SLC24A2: variants seen among roughly 807,000 people sequenced by gnomAD.
SLC24A2 encodes solute carrier family 24 member 2.
In SLC24A2, 36 loss-of-function variants were observed where a neutral mutation model predicts 62.0. The observed-to-expected ratio is 0.58, with a 90% CI of 0.44 to 0.77. SLC24A2 has a LOEUF of 0.77. SLC24A2 is among the 30% of genes least tolerant of loss of function. SLC24A2 has a pLI of 0.00. For missense variants in SLC24A2, 846 were observed against 817.9 expected, an observed-to-expected ratio of 1.03 and a Z score of -0.42; for synonymous variants, 358 against 294.0, an observed-to-expected ratio of 1.22 and a Z score of -2.23.
the SLC24A2 span, among the ~76,000 whole-genome samples, chr9:20,048,201 T>A: frequency 6.6e-6 from 1 of 152,248 alleles, no homozygotes; most frequent in Non-Finnish European, 1.5e-5. Context: ...CACTGTTACA[T>A]CTCTGTAATG....
the SLC24A2 span, among the ~76,000 whole-genome samples, chr9:19,838,650 GAA>G: frequency 1.4e-5 from 2 of 140,476 alleles, no homozygotes; most frequent in Non-Finnish European, 3.1e-5. Flanking sequence ...AAAAAAAAAA[GAA>G]AAAAAAAAGT....
the SLC24A2 span, among the ~76,000 whole-genome samples, chr9:20,093,876 T>C: frequency 6.6e-5 from 10 of 152,222 alleles, no homozygotes; most frequent in Admixed American, 3.3e-4. Context: ...CGATTTACTC[T>C]GAAATGATTA....
the SLC24A2 span, among the ~76,000 whole-genome samples, chr9:20,087,312 A>G: frequency 6.6e-6 from 1 of 152,238 alleles, no homozygotes; most frequent in Non-Finnish European, 1.5e-5. Context: ...TAGTACAGCT[A>G]AAACAAGAAT....
At chr9:19,887,832 A>G in the SLC24A2 span, among the ~76,000 whole-genome samples, 1 of 152,204 alleles carries the variant, frequency 6.6e-6, no homozygotes, top group African/African-American at 2.4e-5. Flanking sequence ...CAGCCATAAA[A>G]GGGAATGAAT....
the SLC24A2 span, among the ~76,000 whole-genome samples, chr9:20,162,972 G>T: frequency 2.0e-5 from 3 of 151,964 alleles, no homozygotes; most frequent in East Asian, 5.8e-4. Context: ...GTATTGATGG[G>T]ACATATCTCA....
chr9:19,606,546 T>A (rs551841051), intron 4 of SLC24A2, among the ~76,000 whole-genome samples: 1 of 152,350 alleles, frequency 6.6e-6, no homozygotes, highest in East Asian at 1.9e-4. Context: ...CAGAGTCTTG[T>A]CTACAGTGGG....
At chr9:20,209,162 ACAC>A in the SLC24A2 span, among the ~76,000 whole-genome samples, 1 of 152,254 alleles carries the variant, frequency 6.6e-6, no homozygotes, top group African/African-American at 2.4e-5. Flanking sequence ...ATGATTGCTC[ACAC>A]CAGTCAATCA....
At chr9:20,250,732 T>G in the SLC24A2 span, among the ~76,000 whole-genome samples, 3 of 151,868 alleles carry the variant, frequency 2.0e-5, no homozygotes, top group African/African-American at 7.3e-5. Context: ...TATCTTAATT[T>G]AAAAAAAAGA....
the SLC24A2 span, among the ~76,000 whole-genome samples, chr9:20,201,305 C>A: frequency 6.6e-6 from 1 of 152,194 alleles, no homozygotes; most frequent in Admixed American, 6.5e-5. Flanking sequence ...CTTCAACCAG[C>A]TTGCCAGGGA....
intron 9 of SLC24A2, 28 bp downstream of exon 9, chr9:19,528,021 C>T: frequency 7.3e-7 from 1 of 1,364,304 alleles, no homozygotes; most frequent in Non-Finnish European, 1.0e-6. Flanking sequence ...AAAAACAAGG[C>T]AGAGGCATGT....
chr9:20,158,770 G>C, the SLC24A2 span, among the ~76,000 whole-genome samples: 1 of 151,594 alleles, frequency 6.6e-6, no homozygotes, highest in East Asian at 2.0e-4. Context: ...GGGAGTCTCT[G>C]AGAAAGGAAA....
At chr9:20,268,472 A>T in the SLC24A2 span, among the ~76,000 whole-genome samples, 1 of 152,150 alleles carries the variant, frequency 6.6e-6, no homozygotes, top group African/African-American at 2.4e-5. Flanking sequence ...TTAATGGGTT[A>T]TCATGGGAGT....
At chr9:19,540,793 CAG>C (rs1372044369) in intron 8 of SLC24A2, among the ~76,000 whole-genome samples, 1 of 118,278 alleles carries the variant, frequency 8.5e-6, no homozygotes, top group Non-Finnish European at 1.7e-5. Context: ...TAATATCCTG[CAG>C]AGTGTTTTCC....
At chr9:20,033,242 AT>A in the SLC24A2 span, among the ~76,000 whole-genome samples, 936 of 152,302 alleles carry the variant, frequency 6.1e-3, 3 homozygotes, top group Non-Finnish European at 0.011. Context: ...GAATAACAGC[AT>A]TAGATTCAGA....
the SLC24A2 span, among the ~76,000 whole-genome samples, chr9:20,246,597 T>C: frequency 6.6e-6 from 1 of 152,176 alleles, no homozygotes; most frequent in Non-Finnish European, 1.5e-5. Flanking sequence ...ACTACAGTAA[T>C]GACAAGTTAC....
chr9:20,089,312 C>T, the SLC24A2 span, among the ~76,000 whole-genome samples: 1 of 152,110 alleles, frequency 6.6e-6, no homozygotes, highest in Non-Finnish European at 1.5e-5. Flanking sequence ...GAGGGCTATC[C>T]AACCTGGGAC....
the SLC24A2 span, among the ~76,000 whole-genome samples, chr9:20,275,456 A>G: frequency 2.0e-5 from 3 of 152,176 alleles, no homozygotes; most frequent in African/African-American, 4.8e-5. Context: ...CTTTAGAAAT[A>G]TCTACCTCTG....
intron 2 of SLC24A2, among the ~76,000 whole-genome samples, chr9:19,630,533 A>G (rs1450506176): frequency 6.6e-6 from 1 of 152,162 alleles, no homozygotes; most frequent in Non-Finnish European, 1.5e-5. Context: ...TTTCATATTT[A>G]TAGTCTTCTA....
chr9:19,892,046 T>G, the SLC24A2 span, among the ~76,000 whole-genome samples: 1 of 152,204 alleles, frequency 6.6e-6, no homozygotes. Flanking sequence ...CTCCCTTCCC[T>G]TTTTCTCTTC....
Sources: gnomAD v4.1 joint callset for allele counts (sites outside exome capture counted in the v4.1 genomes callset) on GRCh38, gnomAD v4.1.1 for gene constraint, MANE v1.5 for transcripts, NCBI Gene and HGNC (gene_info 2026-07-23, HGNC 2026-07-21) for gene names.